PTPRT: variants seen among roughly 807,000 people sequenced by gnomAD.
The protein encoded by PTPRT is protein tyrosine phosphatase receptor type T, also known as receptor-type tyrosine-protein phosphatase T.
A neutral mutation model predicts 176.8 loss-of-function variants in PTPRT; 56 were observed. The ratio of observed to expected loss-of-function variants is 0.32; its 90% CI spans 0.26 to 0.40. The LOEUF (loss-of-function observed/expected upper bound fraction) is 0.40. Among genes scored for constraint, PTPRT ranks in the 10% least tolerant of loss-of-function variants. The pLI is 1.00. For synonymous variants in PTPRT, 783 were observed against 739.0 expected (o/e 1.06, Z -0.96); for missense variants, 1,540 against 1,908.2 (o/e 0.81, Z 3.60).
intron 8 of PTPRT, among the ~76,000 whole-genome samples, chr20:42,469,371 T>C (rs2071155108): frequency 6.6e-6 from 1 of 151,996 alleles, no homozygotes; most frequent in Non-Finnish European, 1.5e-5. Flanking sequence ...GCCCAGCTAA[T>C]TTTTTGTATT....
chr20:42,733,594 A>G (rs2076494185), intron 6 of PTPRT, among the ~76,000 whole-genome samples: 1 of 152,196 alleles, frequency 6.6e-6, no homozygotes, highest in Non-Finnish European at 1.5e-5. Flanking sequence ...ACCTCGCCAG[A>G]GCCGAGGGCT....
intron 2 of PTPRT, among the ~76,000 whole-genome samples, chr20:42,808,844 G>A (rs777440749): frequency 1.3e-5 from 2 of 152,146 alleles, no homozygotes; most frequent in Non-Finnish European, 2.9e-5. Context: ...GGTGACTGTT[G>A]GGTAGATGCT....
At chr20:42,801,892 G>A (rs1287531205) in intron 2 of PTPRT, among the ~76,000 whole-genome samples, 2 of 152,156 alleles carry the variant, frequency 1.3e-5, no homozygotes, top group African/African-American at 2.4e-5. Context: ...AAGTGCCTTA[G>A]AGACCACCTC....
chr20:42,547,838 C>G lies in PTPRT; in HGVS notation c.1154-75276G>C, dbSNP rs368235235. On this transcript the variant is annotated intron_variant, in intron 7 of 30. Coordinates refer to ENST00000373187, the MANE Select transcript of PTPRT (RefSeq NM_007050.6). ...AATCATATATACAGAGAATGCCACA[C>G]AGTCAACAAACTATTAGAATCAATA... is the stretch of plus-strand genomic sequence containing the variant. Among the ~76,000 whole-genome samples, 522 of 152,090 alleles carry G rather than the reference C, an allele frequency of 3.4e-3. 1 individual carries two copies. The highest frequency in any genetic ancestry group is 0.012 in the African/African-American group (504 of 41,560).
chr20:42,842,829 C>T (rs1478147565), intron 2 of PTPRT, among the ~76,000 whole-genome samples: 1 of 152,188 alleles, frequency 6.6e-6, no homozygotes, highest in Non-Finnish European at 1.5e-5. Flanking sequence ...TCTATGTGCC[C>T]TCACGTAGCA....
intron 1 of PTPRT, among the ~76,000 whole-genome samples, chr20:43,121,314 T>C (rs1414550527): frequency 1.3e-5 from 2 of 152,246 alleles, no homozygotes; most frequent in Non-Finnish European, 2.9e-5. Flanking sequence ...AGAACATTTG[T>C]GTACATGCCC....
At chr20:42,930,410 C>A (rs1174829186) in intron 1 of PTPRT, among the ~76,000 whole-genome samples, 2 of 152,222 alleles carry the variant, frequency 1.3e-5, no homozygotes, top group African/African-American at 4.8e-5. Context: ...TGGTACCAAG[C>A]AAGTTCCCTA....
At chr20:43,184,785 C>T (rs573723304) in intron 1 of PTPRT, among the ~76,000 whole-genome samples, 1 of 152,184 alleles carries the variant, frequency 6.6e-6, no homozygotes, top group African/African-American at 2.4e-5. Context: ...TCATGGTTGA[C>T]TTCTGTTACG....
chr20:42,459,871 C>A (rs897539898), intron 8 of PTPRT, among the ~76,000 whole-genome samples: 4 of 149,574 alleles, frequency 2.7e-5, no homozygotes, highest in Admixed American at 2.0e-4. Context: ...CCTGCCTTGG[C>A]CTCTCAAAGT....
At chr20:42,942,200 T>A in intron 1 of PTPRT, among the ~76,000 whole-genome samples, 1 of 152,116 alleles carries the variant, frequency 6.6e-6, no homozygotes, top group East Asian at 1.9e-4. Context: ...GATGCCCAGC[T>A]CAAAGACATC....
At chr20:42,962,969 C>T (rs948979809) in intron 1 of PTPRT, among the ~76,000 whole-genome samples, 3 of 152,008 alleles carry the variant, frequency 2.0e-5, no homozygotes, top group East Asian at 1.9e-4. Flanking sequence ...GAGGCTGAGG[C>T]GGGTGGATCA....
intron 9 of PTPRT, among the ~76,000 whole-genome samples, chr20:42,432,179 G>A (rs11086836): frequency 0.12 from 17,987 of 152,114 alleles, 1,062 homozygotes; most frequent in Middle Eastern, 0.14. Flanking sequence ...CTAGATAATC[G>A]CAGTCTAAGC....
At chr20:42,922,404 A>G (rs1050124841) in intron 1 of PTPRT, among the ~76,000 whole-genome samples, 6 of 152,022 alleles carry the variant, frequency 3.9e-5, no homozygotes, top group African/African-American at 1.5e-4. Context: ...ACTACTCCCA[A>G]TTTCACATCC....
intron 2 of PTPRT, among the ~76,000 whole-genome samples, chr20:42,863,006 C>T (rs1195860518): frequency 1.3e-5 from 2 of 152,206 alleles, no homozygotes; most frequent in Non-Finnish European, 2.9e-5. Context: ...GCTTCTTACA[C>T]TAATGGGGTA....
intron 9 of PTPRT, among the ~76,000 whole-genome samples, chr20:42,380,294 T>G (rs1198853420): frequency 1.3e-5 from 2 of 152,082 alleles, no homozygotes; most frequent in Non-Finnish European, 2.9e-5. Flanking sequence ...GAGCACTGTC[T>G]CCTAAAATGG....
intron 22 of PTPRT, among the ~76,000 whole-genome samples, chr20:42,111,860 G>A (rs6029982): frequency 0.28 from 42,305 of 151,966 alleles, 6,207 homozygotes; most frequent in African/African-American, 0.37. Flanking sequence ...CCCAGTTGAC[G>A]GGAGAAGAGG....
the PTPRT span, among the ~76,000 whole-genome samples, chr20:42,056,669 G>T: frequency 0.012 from 1,757 of 152,296 alleles, 39 homozygotes; most frequent in African/African-American, 0.041. Context: ...TGTGTGGCAG[G>T]CAGACAGGTG....
intron 1 of PTPRT, among the ~76,000 whole-genome samples, chr20:43,131,778 G>C (rs927033700): frequency 6.6e-6 from 1 of 152,112 alleles, no homozygotes; most frequent in African/African-American, 2.4e-5. Flanking sequence ...TTAGCAAATA[G>C]AAATTAGAAA....
At chr20:43,025,668 G>A (rs1184564294) in intron 1 of PTPRT, among the ~76,000 whole-genome samples, 1 of 152,122 alleles carries the variant, frequency 6.6e-6, no homozygotes, top group Non-Finnish European at 1.5e-5. Context: ...CCTGTCTTAG[G>A]TTGAGTTAAA....
Sources: allele counts gnomAD v4.1 joint callset (sites outside exome capture counted in the v4.1 genomes callset), GRCh38; gene constraint gnomAD v4.1.1; transcripts MANE v1.5; gene names NCBI Gene and HGNC (gene_info 2026-07-23, HGNC 2026-07-21).